Variants in GPHN observed in about 807,000 individuals in gnomAD.
The protein encoded by GPHN is gephyrin.
In GPHN, 17 loss-of-function variants were observed where a neutral mutation model predicts 95.5. The observed-to-expected ratio is 0.18, with a 90% CI of 0.12 to 0.27. The LOEUF (loss-of-function observed/expected upper bound fraction) is 0.27. Ranked by LOEUF, GPHN falls within the 10% of genes least tolerant of loss-of-function variation. The pLI is 1.00. For missense variants in GPHN, 660 were observed against 978.1 expected (o/e 0.67, Z 4.34); for synonymous variants, 320 against 322.5 (o/e 0.99, Z 0.08).
chr14:66,593,539 A>G (rs2061847292), intron 1 of GPHN, among the ~76,000 whole-genome samples: 1 of 152,158 alleles, frequency 6.6e-6, no homozygotes. Flanking sequence ...TGAGAACAGC[A>G]TAGGGGAATC....
chr14:66,917,826 A>G (rs1460138319), intron 6 of GPHN, among the ~76,000 whole-genome samples: 2 of 152,190 alleles, frequency 1.3e-5, no homozygotes, highest in Non-Finnish European at 2.9e-5. Context: ...GCTGTGGTTG[A>G]CACTGTCTTC....
intron 1 of GPHN, among the ~76,000 whole-genome samples, chr14:66,624,763 CA>C (rs1206485870): frequency 2.0e-5 from 3 of 152,168 alleles, no homozygotes; most frequent in African/African-American, 7.2e-5. Context: ...CTTGCAAAGC[CA>C]AAACTATTTA....
intron 10 of GPHN, among the ~76,000 whole-genome samples, chr14:67,047,217 G>T (rs1428416927): frequency 1.3e-5 from 2 of 151,984 alleles, no homozygotes; most frequent in Non-Finnish European, 2.9e-5. Flanking sequence ...GAAGTTTCTT[G>T]AGGTTCTGAA....
rs545582873 is a variant in GPHN at position 66,814,118 on chromosome 14, A to G, written c.202-10356A>G. Among the ~76,000 whole-genome samples the G allele has an allele frequency of 1.3e-4, 20 of 152,138 alleles. No homozygotes were observed. In the South Asian group the frequency reaches 4.2e-3, roughly 32 times the overall value. Reference sequence around the variant, plus strand: ...CTGCCCTCCTCCCTTGCTGACCACCATTGCAGACACCCTTGGTAAGCACAG... The same window carrying G: ...CTGCCCTCCTCCCTTGCTGACCACCGTTGCAGACACCCTTGGTAAGCACAG... On this transcript the variant is annotated intron_variant, in intron 3 of 22. Transcript: ENST00000478722.
At chr14:66,923,782 C>T (rs8022657) in intron 7 of GPHN, among the ~76,000 whole-genome samples, 47,147 of 151,364 alleles carry the variant, frequency 0.31, 11,273 homozygotes, top group African/African-American at 0.65. Flanking sequence ...ATTTTGGCTA[C>T]GAGCATTGTG....
the GPHN span, chr14:67,615,220 T>C: frequency 6.6e-6 from 1 of 152,632 alleles, no homozygotes. Context: ...TTTTTAAACT[T>C]AACTCATTCT....
chr14:67,038,775 CA>C lies in GPHN; in HGVS notation c.1006+15103del, dbSNP rs1325841370. ...AAACCAGATTTAGGATCCTTTCCTC[CA>C]AATTATTCCTGTATTGTTCTTTTAT... On this transcript the variant is annotated intron_variant, in intron 10 of 22. Transcript: ENST00000478722. Among the ~76,000 whole-genome samples, 6 of 152,248 alleles carry C rather than the reference CA, an allele frequency of 3.9e-5. No homozygotes were observed. In the South Asian group the frequency reaches 1.2e-3, roughly 32 times the overall value.
chr14:67,014,404 G>C (rs1470952033), intron 9 of GPHN, among the ~76,000 whole-genome samples: 1 of 151,886 alleles, frequency 6.6e-6, no homozygotes, highest in Non-Finnish European at 1.5e-5. Context: ...TTTTTTTCCA[G>C]AATACTACTC....
chr14:66,941,835 C>T (rs186645597), intron 8 of GPHN, among the ~76,000 whole-genome samples: 2 of 152,246 alleles, frequency 1.3e-5, no homozygotes, highest in Non-Finnish European at 2.9e-5. Context: ...GAGAAACACA[C>T]GTTCTCCAAA....
At chr14:67,390,870 C>T in the GPHN span, 1 of 766,804 alleles carries the variant, frequency 1.3e-6, no homozygotes. Flanking sequence ...CATTCTAAAA[C>T]CAGTCCACAG....
At chr14:66,993,261 T>TAC (rs1276259915) in intron 9 of GPHN, among the ~76,000 whole-genome samples, 1 of 152,028 alleles carries the variant, frequency 6.6e-6, no homozygotes, top group East Asian at 1.9e-4. Flanking sequence ...TTTCCCCCTC[T>TAC]ACACACACAC....
At chr14:67,255,943 T>G in the GPHN span, among the ~76,000 whole-genome samples, 1 of 152,234 alleles carries the variant, frequency 6.6e-6, no homozygotes, top group South Asian at 2.1e-4. Flanking sequence ...TGCTTTGGCC[T>G]CCCAAAGTGC....
At chr14:67,647,334 C>A in the GPHN span, 1 of 236,514 alleles carries the variant, frequency 4.2e-6, no homozygotes. Flanking sequence ...CCCAGCCTCA[C>A]GATTGTTTCA....
the GPHN span, among the ~76,000 whole-genome samples, chr14:67,460,584 G>A: frequency 6.6e-6 from 1 of 152,082 alleles, no homozygotes; most frequent in Non-Finnish European, 1.5e-5. Flanking sequence ...CACACCTGTA[G>A]TCCCAGGTAC....
At chr14:67,327,853 G>A in the GPHN span, among the ~76,000 whole-genome samples, 1 of 152,308 alleles carries the variant, frequency 6.6e-6, no homozygotes, top group African/African-American at 2.4e-5. Flanking sequence ...ATTCCATGGT[G>A]TATATGTGCC....
chr14:66,837,151 T>G (rs1163997211), intron 4 of GPHN, among the ~76,000 whole-genome samples: 1 of 151,460 alleles, frequency 6.6e-6, no homozygotes, highest in Non-Finnish European at 1.5e-5. Flanking sequence ...ACACGTATGT[T>G]TATTACGGCA....
chr14:66,740,318 T>C (rs1051985778), intron 2 of GPHN, among the ~76,000 whole-genome samples: 4 of 152,180 alleles, frequency 2.6e-5, no homozygotes, highest in Non-Finnish European at 5.9e-5. Context: ...CTATAAATAC[T>C]TAACGTCATG....
chr14:67,334,005 A>G, the GPHN span: 1 of 152,648 alleles, frequency 6.6e-6, no homozygotes, highest in East Asian at 1.9e-4. Flanking sequence ...ATAGATCAAC[A>G]AATGGTCATT....
chr14:66,567,100 T>A (rs2060491390), intron 1 of GPHN, among the ~76,000 whole-genome samples: 1 of 152,152 alleles, frequency 6.6e-6, no homozygotes. Flanking sequence ...TCATTTAACA[T>A]ATTTTTGGGG....
Sources: allele counts gnomAD v4.1 joint callset (sites outside exome capture counted in the v4.1 genomes callset), GRCh38; gene constraint gnomAD v4.1.1; transcripts MANE v1.5; gene names NCBI Gene and HGNC (gene_info 2026-07-23, HGNC 2026-07-21).